HADHB: variants seen among roughly 807,000 people sequenced by gnomAD.
HADHB encodes the protein trifunctional enzyme subunit beta, mitochondrial.
In HADHB, 50 loss-of-function variants were observed where a neutral mutation model predicts 61.9. That is an observed-to-expected ratio of 0.81 (90% confidence interval 0.64 to 1.02). The LOEUF (loss-of-function observed/expected upper bound fraction) is 1.02, where lower values mean the gene tolerates loss of function less well. Among genes scored for constraint, HADHB ranks in the 50% least tolerant of loss-of-function variants. The probability of loss-of-function intolerance (pLI) is 0.00; values close to 1 mark genes in which losing one functional copy is unlikely to be tolerated. For missense variants in HADHB, 504 were observed against 586.5 expected (o/e 0.86, Z 1.45); for synonymous variants, 191 against 201.6 (o/e 0.95, Z 0.45).
At chr2:26,285,078 T>C (rs1213260270) in intron 14 of HADHB, 121 bp downstream of exon 14, 1 of 687,604 alleles carries the variant, frequency 1.5e-6, no homozygotes, top group Non-Finnish European at 2.6e-6. Flanking sequence ...ATTTTGTCTT[T>C]CATTAAAGAT....
intron 3 of HADHB, among the ~76,000 whole-genome samples, chr2:26,257,327 A>G (rs1039776626): frequency 2.0e-5 from 3 of 151,632 alleles, no homozygotes; most frequent in Non-Finnish European, 4.4e-5. Flanking sequence ...TCACCGTGTT[A>G]GCCAGGATGG....
At position 26,287,837 on chromosome 2, in the gene HADHB, T is replaced by G. The variant is rs190728925; in HGVS notation, c.1390-2081T>G. On this transcript the variant is annotated intron_variant, in intron 15 of 15. Coordinates refer to ENST00000317799, the MANE Select transcript of HADHB (RefSeq NM_000183.3). ...TTTAGCATGGCCTCTACCCATCGGA[T>G]AGCAGTAGCAACAAGCTCCTCCCCA... Among the ~76,000 whole-genome samples the G allele has an allele frequency of 1.4e-4, 21 of 152,290 alleles. No homozygotes were observed. In the East Asian group the frequency reaches 3.1e-3, roughly 22 times the overall value.
In HADHB at chr2:26,273,716, T is replaced by C. The variant is rs775219079; in HGVS notation, c.320T>C (p.Ile107Thr). ...GATTATATCATCTTTGGTACAGTTA[T>C]TCAGGAAGTGAAAACAAGCAATGTG... is the stretch of plus-strand genomic sequence containing the variant. ...VVDYIIFGTV[I>T]QEVKTSNVAR... Residue 107 changes from isoleucine (I) to threonine (T), a missense_variant, in exon 6 of 16, where the codon ATT becomes ACT. Ile to Thr is a moderately conservative substitution (Grantham distance 89). Coordinates refer to ENST00000317799, the MANE Select transcript of HADHB (RefSeq NM_000183.3). The C allele has an allele frequency of 3.1e-6, 5 of 1,607,756 alleles. No homozygotes were observed. The highest frequency in any genetic ancestry group is 1.3e-5 in the African/African-American group (1 of 74,776).
rs750442725 is a variant in HADHB, at chr2:26,284,127, G to A, written c.1072G>A (p.Ala358Thr). The A allele has an allele frequency of 1.9e-6, 3 of 1,574,930 alleles. No individual in the cohort carries two copies. Among genetic ancestry groups the A allele is most frequent in the Non-Finnish European group, 2.6e-6 (3 of 1,144,474 alleles). ...KDQLLLGPTY[A>T]TPKVLEKAGL... ...ATTTTTTCTTTGCAGACCAACATAT[G>A]CTACTCCAAAAGTTCTAGAAAAGGC... Residue 358 changes from alanine (A) to threonine (T), a missense_variant, in exon 13 of 16, where the codon GCT becomes ACT. Ala to Thr is a moderately conservative substitution (Grantham distance 58). Transcript: ENST00000317799.
Position 26,290,197 on chromosome 2 carries a change from T to G in HADHB, c.*244T>G, listed in dbSNP as rs886055868. ...CTCACATGAGATGTGTGGGTGGTTG[T>G]TTTTGGTCTCTGTTGTCACTAAAGA... On this transcript the variant is annotated 3_prime_UTR_variant, in exon 16 of 16. Coordinates refer to ENST00000317799, the MANE Select transcript of HADHB (RefSeq NM_000183.3). The G allele has an allele frequency of 3.7e-6, 2 of 545,186 alleles. No individual in the cohort carries two copies. Among genetic ancestry groups the G allele is most frequent in the East Asian group, 3.2e-5 (1 of 31,676 alleles). The allele number at this position is 545,186 out of a possible 1,614,324, so 33.8% of individuals were successfully genotyped here.
chr2:26,264,553 CAAAAAAAAAAA>C lies in HADHB; in HGVS notation c.209+1084_209+1094del, dbSNP rs34189488. ...TGGGTGACAGAGCAAGACTCCATCT[CAAAAAAAAAAA>C]AAAAAAAAAGCAAGGTGCACAGTAT... On this transcript the variant is annotated intron_variant, in intron 4 of 15. Transcript: ENST00000317799. Among the ~76,000 whole-genome samples, 7 of 73,726 alleles carry C rather than the reference CAAAAAAAAAAA, an allele frequency of 9.5e-5. 1 individual carries two copies. The South Asian group carries it at 4.0e-3, about 42-fold the overall frequency. 48.4% of individuals were successfully genotyped at this position (73,726 alleles called of 152,430 possible). A position where few individuals can be genotyped will look rare whatever the true frequency, so the allele number is the denominator to read the frequency against.
At chr2:26,265,627 A>C (rs891065555) in intron 4 of HADHB, among the ~76,000 whole-genome samples, 2 of 140,448 alleles carry the variant, frequency 1.4e-5, no homozygotes, top group Non-Finnish European at 3.2e-5. Context: ...ACAACAAAAC[A>C]CCCAAACATA....
intron 3 of HADHB, chr2:26,260,812 C>T (rs895560170): frequency 1.2e-5 from 7 of 588,628 alleles, no homozygotes; most frequent in Non-Finnish European, 2.1e-5. Context: ...ATGTCCCTTT[C>T]CTGGTCTTTC....
At chr2:26,245,852 A>G (rs1488713598) in intron 1 of HADHB, among the ~76,000 whole-genome samples, 1 of 151,956 alleles carries the variant, frequency 6.6e-6, no homozygotes, top group Non-Finnish European at 1.5e-5. Context: ...TATCATTTGC[A>G]TTTTCTAGAT....
At chr2:26,255,862 A>G (rs941775489) in intron 3 of HADHB, among the ~76,000 whole-genome samples, 1 of 152,228 alleles carries the variant, frequency 6.6e-6, no homozygotes, top group African/African-American at 2.4e-5. Flanking sequence ...TAGTAGCCCC[A>G]TAAATAATTC....
chr2:26,279,033 G>A, intron 8 of HADHB, 102 bp from the exon 9 acceptor site: 1 of 1,042,462 alleles, frequency 9.6e-7, no homozygotes, highest in East Asian at 2.4e-5. Flanking sequence ...ATTAATGGTA[G>A]ACAAATAGAT....
intron 3 of HADHB, chr2:26,261,586 C>T (rs1671868030): frequency 6.5e-6 from 1 of 152,782 alleles, no homozygotes; most frequent in Non-Finnish European, 1.5e-5. Context: ...ACCAGCCTGG[C>T]AAACAAGGTA....
At chr2:26,261,219 C>CCA (rs1553319437) in intron 3 of HADHB, 2 of 475,920 alleles carry the variant, frequency 4.2e-6, no homozygotes, top group Non-Finnish European at 7.4e-6. Flanking sequence ...AATACCCCCC[C>CCA]CCCATCCAGA....
chr2:26,277,338 A>G (rs536000357), intron 7 of HADHB, among the ~76,000 whole-genome samples, 178 bp downstream of exon 7: 1 of 151,424 alleles, frequency 6.6e-6, no homozygotes, highest in Admixed American at 6.6e-5. Context: ...CTTGAGCTCA[A>G]GAGATCATCC....
intron 10 of HADHB, among the ~76,000 whole-genome samples, chr2:26,282,364 C>T (rs1672829693): frequency 6.6e-6 from 1 of 150,944 alleles, no homozygotes; most frequent in South Asian, 2.1e-4. Flanking sequence ...AAGCAATTCT[C>T]CTGCCTCAGC....
intron 14 of HADHB, 145 bp downstream of exon 14, chr2:26,285,102 T>C: frequency 1.6e-6 from 1 of 615,334 alleles, no homozygotes; most frequent in South Asian, 2.0e-5. Flanking sequence ...TATTTCTTAG[T>C]GTAAAAGTAG....
At chr2:26,280,151 T>C (rs1202410376) in intron 10 of HADHB, 36 bp downstream of exon 10, 2 of 1,555,314 alleles carry the variant, frequency 1.3e-6, no homozygotes, top group Non-Finnish European at 1.8e-6. Flanking sequence ...AGTAGTGACT[T>C]TTCTATTTCT....
intron 9 of HADHB, among the ~76,000 whole-genome samples, 171 bp downstream of exon 9, chr2:26,279,486 C>A (rs1672697770): frequency 6.6e-6 from 1 of 152,032 alleles, no homozygotes; most frequent in South Asian, 2.1e-4. Context: ...AATAGGTTAA[C>A]ATTTTTTAAT....
intron 15 of HADHB, among the ~76,000 whole-genome samples, chr2:26,289,655 G>A (rs998063955): frequency 1.3e-5 from 2 of 151,802 alleles, no homozygotes; most frequent in East Asian, 1.9e-4. Context: ...ATATGTGTGT[G>A]TATATATATA....
Sources: gnomAD v4.1 joint callset for allele counts (sites outside exome capture counted in the v4.1 genomes callset) on GRCh38, gnomAD v4.1.1 for gene constraint, MANE v1.5 for transcripts, NCBI Gene and HGNC (gene_info 2026-07-23, HGNC 2026-07-21) for gene names.